The following AKAP6 variants were observed in gnomAD, a reference collection of about 807,000 sequenced individuals.
The protein encoded by AKAP6 is A-kinase anchoring protein 6, also known as A-kinase anchor protein 6.
In AKAP6, 58 loss-of-function variants were observed where a neutral mutation model predicts 188.5. That is an observed-to-expected ratio of 0.31 (90% CI 0.25 to 0.38). The LOEUF (loss-of-function observed/expected upper bound fraction) is 0.38. AKAP6 is among the 10% of genes least tolerant of loss of function. AKAP6 has a pLI of 1.00. For synonymous variants in AKAP6, 989 were observed against 998.6 expected (o/e 0.99, Z 0.18); for missense variants, 2,710 against 2,740.0 (o/e 0.99, Z 0.24).
At position 32,821,387 on chromosome 14, in the gene AKAP6, C is replaced by G. The variant is rs752725474; in HGVS notation, c.3589-15C>G. 2 of 1,548,962 alleles carry G rather than the reference C, an allele frequency of 1.3e-6. No individual in the cohort carries two copies. The highest frequency in any genetic ancestry group is 2.3e-5 in the East Asian group (1 of 44,098). ...CCCTAATTCTTCTCCTTTTCTTTTT[C>G]TTTCTCTCACACAGGAGACTTTGAA... is the stretch of plus-strand genomic sequence containing the variant. On this transcript the variant is annotated splice_polypyrimidine_tract_variant and intron_variant, in intron 12 of 13. Coordinates refer to ENST00000280979, the MANE Select transcript of AKAP6 (RefSeq NM_004274.5).
chr14:32,686,475 T>A (rs2139665815), intron 8 of AKAP6, among the ~76,000 whole-genome samples: 1 of 152,300 alleles, frequency 6.6e-6, no homozygotes, highest in Non-Finnish European at 1.5e-5. Flanking sequence ...AGAGGCTAAA[T>A]ATTGAGAGGA....
At chr14:32,531,219 A>T (rs1364205696) in intron 2 of AKAP6, among the ~76,000 whole-genome samples, 1 of 152,224 alleles carries the variant, frequency 6.6e-6, no homozygotes, top group Non-Finnish European at 1.5e-5. Context: ...GTGGAAAAAA[A>T]TCTTATGCAA....
chr14:32,725,729 G>T (rs979425994), intron 9 of AKAP6, among the ~76,000 whole-genome samples: 8 of 152,078 alleles, frequency 5.3e-5, no homozygotes, highest in African/African-American at 1.9e-4. Context: ...ATATCATAGA[G>T]TCTACCAGAA....
chr14:32,813,402 A>ACCCGC (rs2034297869), intron 12 of AKAP6, among the ~76,000 whole-genome samples: 1 of 41,926 alleles, frequency 2.4e-5, no homozygotes, highest in South Asian at 1.2e-3. Flanking sequence ...CCCCCCCCCA[A>ACCCGC]CCCCTTTCCC....
At chr14:32,749,383 C>G (rs994982522) in intron 11 of AKAP6, among the ~76,000 whole-genome samples, 2 of 152,090 alleles carry the variant, frequency 1.3e-5, no homozygotes, top group African/African-American at 4.8e-5. Context: ...TTCTGTATAC[C>G]AGGATTTATG....
intron 2 of AKAP6, among the ~76,000 whole-genome samples, chr14:32,449,134 A>G (rs1212642742): frequency 6.6e-6 from 1 of 152,150 alleles, no homozygotes; most frequent in East Asian, 1.9e-4. Flanking sequence ...ACCCTCTACA[A>G]AGGCTTTCTA....
chr14:32,583,454 T>G (rs545683026), intron 5 of AKAP6, among the ~76,000 whole-genome samples: 1 of 152,204 alleles, frequency 6.6e-6, no homozygotes, highest in East Asian at 1.9e-4. Flanking sequence ...GGGACCCATT[T>G]GAGGAGGCAG....
At chr14:32,521,426 A>G (rs1400792813) in intron 2 of AKAP6, among the ~76,000 whole-genome samples, 1 of 152,214 alleles carries the variant, frequency 6.6e-6, no homozygotes, top group East Asian at 1.9e-4. Flanking sequence ...ATGATTTTAT[A>G]TTTAGAAAAC....
chr14:32,421,968 C>T (rs146629289), intron 1 of AKAP6, among the ~76,000 whole-genome samples: 20 of 152,282 alleles, frequency 1.3e-4, no homozygotes, highest in African/African-American at 4.6e-4. Flanking sequence ...GAATACTCCT[C>T]AACTATGCAT....
chr14:32,385,790 G>A (rs558492063), intron 1 of AKAP6, among the ~76,000 whole-genome samples: 12 of 150,432 alleles, frequency 8.0e-5, no homozygotes, highest in East Asian at 5.8e-4. Context: ...TGAGATATAT[G>A]TATATCATAT....
chr14:32,824,034 A>G lies in AKAP6; in HGVS notation c.6221A>G (p.Lys2074Arg). The G allele has an allele frequency of 2.5e-6, 4 of 1,613,884 alleles. No homozygotes were observed. The highest frequency in any genetic ancestry group is 3.4e-6 in the Non-Finnish European group (4 of 1,179,918). Residue 2074 changes from lysine to arginine, a missense_variant, in exon 13 of 14, where the codon AAA (lysine) becomes AGA (arginine). By Grantham distance (26) the Lys-to-Arg change is conservative. Transcript: ENST00000280979. The part of the protein sequence containing the change: ...IDMASTALKS[K>R]SQPENEVAAP... ...ATGGCTTCGACAGCCCTAAAAAGTA[A>G]ATCTCAACCTGAAAACGAGGTGGCT...
intron 9 of AKAP6, among the ~76,000 whole-genome samples, chr14:32,704,305 T>C (rs938824660): frequency 1.3e-5 from 2 of 152,204 alleles, no homozygotes; most frequent in Admixed American, 1.3e-4. Context: ...AAAATGACTT[T>C]TACTTAATTA....
chr14:32,348,806 C>T (rs1201779178), intron 1 of AKAP6, among the ~76,000 whole-genome samples: 1 of 152,140 alleles, frequency 6.6e-6, no homozygotes. Flanking sequence ...GCTCCCCACC[C>T]AACACTCTGC....
chr14:32,785,382 AATT>A (rs1261221543), intron 12 of AKAP6, among the ~76,000 whole-genome samples: 7 of 152,214 alleles, frequency 4.6e-5, no homozygotes, highest in Admixed American at 3.9e-4. Flanking sequence ...AAGTTTGAAT[AATT>A]ATTAAGTTAC....
chr14:32,353,940 TGCTCACCGAAATAAAAAA>T (rs1224305394), intron 1 of AKAP6, among the ~76,000 whole-genome samples: 1 of 152,080 alleles, frequency 6.6e-6, no homozygotes, highest in Non-Finnish European at 1.5e-5. Flanking sequence ...TACAAACCAC[TGCTCACCGAAATAAAAAA>T]GGATACAAAC....
intron 1 of AKAP6, among the ~76,000 whole-genome samples, chr14:32,399,417 C>T (rs530138883): frequency 9.9e-5 from 15 of 152,194 alleles, no homozygotes; most frequent in African/African-American, 3.4e-4. Flanking sequence ...AAATGCTCTC[C>T]CCATACTCTC....
In AKAP6 at chr14:32,647,060, A is replaced by G. The variant is rs187679741; in HGVS notation, c.2731-31251A>G. On this transcript the variant is annotated intron_variant, in intron 7 of 13. Coordinates refer to ENST00000280979, the MANE Select transcript of AKAP6 (RefSeq NM_004274.5). Reference sequence around the variant, plus strand: ...TACCATGTCACTGTATCCCAAAACAATAGTCAAGAAAGTAAATTTATGGTA... The same window carrying G: ...TACCATGTCACTGTATCCCAAAACAGTAGTCAAGAAAGTAAATTTATGGTA... Among the ~76,000 whole-genome samples the G allele has an allele frequency of 1.5e-4, 23 of 152,296 alleles. 1 individual carries two copies. In the South Asian group the frequency reaches 2.7e-3, roughly 18 times the overall value.
chr14:32,760,379 G>T (rs916637786), intron 11 of AKAP6, among the ~76,000 whole-genome samples: 2 of 152,156 alleles, frequency 1.3e-5, no homozygotes, highest in Non-Finnish European at 1.5e-5. Context: ...AGAGCCTAAA[G>T]GATCAATGCA....
intron 1 of AKAP6, among the ~76,000 whole-genome samples, chr14:32,330,189 G>C (rs939830193): frequency 6.6e-6 from 1 of 152,068 alleles, no homozygotes; most frequent in Non-Finnish European, 1.5e-5. Flanking sequence ...TGAAGTGGCA[G>C]TGGTGTTGCC....
Sources: allele counts gnomAD v4.1 joint callset (sites outside exome capture counted in the v4.1 genomes callset), GRCh38; gene constraint gnomAD v4.1.1; transcripts MANE v1.5; gene names NCBI Gene and HGNC (gene_info 2026-07-23, HGNC 2026-07-21).